Variants in COX5A observed in about 807,000 individuals in gnomAD.
COX5A encodes cytochrome c oxidase subunit 5A, mitochondrial.
COX5A carries 6 observed loss-of-function variants against 16.1 expected under a neutral mutation model. The observed-to-expected ratio is 0.37, with a 90% CI of 0.20 to 0.73. The LOEUF (loss-of-function observed/expected upper bound fraction) is 0.73, where lower values mean the gene tolerates loss of function less well. COX5A is among the 30% of genes least tolerant of loss of function. COX5A has a pLI of 0.50. For synonymous variants in COX5A, 73 were observed against 73.8 expected (o/e 0.99, Z 0.06); for missense variants, 159 against 194.9 (o/e 0.82, Z 1.10).
intron 2 of COX5A, among the ~76,000 whole-genome samples, chr15:74,927,831 A>T (rs933688981): frequency 7.9e-5 from 12 of 152,194 alleles, no homozygotes; most frequent in African/African-American, 2.7e-4. Flanking sequence ...ACTGGAAAAC[A>T]GCCTAAAAAC....
At chr15:74,920,954 A>G (rs2065317154) in intron 4 of COX5A, among the ~76,000 whole-genome samples, 1 of 152,092 alleles carries the variant, frequency 6.6e-6, no homozygotes, top group Non-Finnish European at 1.5e-5. Flanking sequence ...TTCAGCATGG[A>G]TGACAGAGCA....
chr15:74,924,560 CTT>C (rs2141270652), intron 3 of COX5A, among the ~76,000 whole-genome samples: 1 of 152,172 alleles, frequency 6.6e-6, no homozygotes, highest in East Asian at 1.9e-4. Flanking sequence ...AAGAGGGCAA[CTT>C]ATATATGTAC....
At chr15:74,924,316 A>G (rs544681782) in intron 3 of COX5A, among the ~76,000 whole-genome samples, 2 of 151,744 alleles carry the variant, frequency 1.3e-5, no homozygotes, top group Admixed American at 1.3e-4. Flanking sequence ...AGGCGGGTGG[A>G]TCACAAGGTC....
chr15:74,937,751 C>T, intron 1 of COX5A, 164 bp downstream of exon 1: 1 of 413,124 alleles, frequency 2.4e-6, no homozygotes. Context: ...GCTTTCAGGT[C>T]CTCCACTACT....
At chr15:74,936,622 C>CTTTTTTTTTT (rs1021836626) in intron 1 of COX5A, among the ~76,000 whole-genome samples, 3 of 112,426 alleles carry the variant, frequency 2.7e-5, no homozygotes, top group Admixed American at 9.9e-5. Flanking sequence ...AAAACATATT[C>CTTTTTTTTTT]TTTTTTTTTT....
chr15:74,932,035 C>A lies in COX5A; in HGVS notation c.101-2803G>T, dbSNP rs11072515. Among the ~76,000 whole-genome samples, 395 of 152,292 alleles carry A rather than the reference C, an allele frequency of 2.6e-3. 4 individuals carry two copies. Among genetic ancestry groups the A allele is most frequent in the Middle Eastern group, 6.8e-3 (2 of 294 alleles). On this transcript the variant is annotated intron_variant, in intron 1 of 4. Coordinates refer to ENST00000322347, the MANE Select transcript of COX5A (RefSeq NM_004255.4). The stretch of plus-strand genomic sequence containing the variant: ...TAGGCTCTTCGCTCTCTCTGTTTGA[C>A]CCTGGAAAATTAACTTAAGTTTATT...
chr15:74,920,715 T>A (rs554693897), intron 4 of COX5A, among the ~76,000 whole-genome samples: 2 of 152,188 alleles, frequency 1.3e-5, no homozygotes, highest in Non-Finnish European at 2.9e-5. Flanking sequence ...CGGTGACTCA[T>A]GCCTGTAACG....
intron 4 of COX5A, among the ~76,000 whole-genome samples, chr15:74,922,087 G>A (rs2065323783): frequency 6.6e-6 from 1 of 152,060 alleles, no homozygotes; most frequent in Non-Finnish European, 1.5e-5. Context: ...GTTAAAGCAA[G>A]CTTTAAAACG....
At chr15:74,923,144 T>C (rs1367138726) in intron 4 of COX5A, among the ~76,000 whole-genome samples, 1 of 151,412 alleles carries the variant, frequency 6.6e-6, no homozygotes, top group Admixed American at 6.6e-5. Flanking sequence ...AAAATAATGA[T>C]GCCGGGCGCG....
chr15:74,923,202 G>A (rs1308562399), intron 4 of COX5A, among the ~76,000 whole-genome samples: 1 of 152,014 alleles, frequency 6.6e-6, no homozygotes, highest in Admixed American at 6.6e-5. Context: ...AAGGCAGGTG[G>A]ATCATGAGGT....
At chr15:74,928,473 C>A (rs969749766) in intron 2 of COX5A, among the ~76,000 whole-genome samples, 1 of 152,038 alleles carries the variant, frequency 6.6e-6, no homozygotes, top group African/African-American at 2.4e-5. Context: ...CAAGCTCTGC[C>A]TCCCGGGTTC....
intron 4 of COX5A, among the ~76,000 whole-genome samples, chr15:74,921,558 G>A (rs186699486): frequency 3.9e-4 from 59 of 150,306 alleles, no homozygotes; most frequent in African/African-American, 1.3e-3. Flanking sequence ...GGCGAAACCC[G>A]GTCTCTACTA....
At chr15:74,923,521 C>A in intron 4 of COX5A, 127 bp downstream of exon 4, 1 of 522,966 alleles carries the variant, frequency 1.9e-6, no homozygotes. Context: ...TTCTCAAAAT[C>A]TCTTCATGCT....
intron 1 of COX5A, among the ~76,000 whole-genome samples, chr15:74,931,183 A>C (rs1197465716): frequency 6.6e-6 from 1 of 151,962 alleles, no homozygotes; most frequent in Non-Finnish European, 1.5e-5. Context: ...ATCTACACCT[A>C]ATGCAAAATA....
At chr15:74,927,242 C>A (rs2065348492) in intron 2 of COX5A, among the ~76,000 whole-genome samples, 1 of 151,968 alleles carries the variant, frequency 6.6e-6, no homozygotes, top group South Asian at 2.1e-4. Context: ...AGTGGTGCCA[C>A]CTCAGCTTAC....
At chr15:74,935,635 T>C (rs569100259) in intron 1 of COX5A, among the ~76,000 whole-genome samples, 1 of 148,846 alleles carries the variant, frequency 6.7e-6, no homozygotes, top group Non-Finnish European at 1.5e-5. Context: ...AAATAAAAAA[T>C]TTTTTTTTTG....
At chr15:74,929,258 C>G in intron 1 of COX5A, 26 bp from the exon 2 acceptor site, 1 of 1,433,430 alleles carries the variant, frequency 7.0e-7, no homozygotes, top group Non-Finnish European at 9.8e-7. Context: ...ACCATAACTT[C>G]AATGTACACA....
Position 74,923,636 on chromosome 15 carries a change from T to A in COX5A, c.*9+12A>T, listed in dbSNP as rs1392570260. On this transcript the variant is annotated intron_variant, in intron 4 of 4. Transcript: ENST00000322347. ...ATTGTTTTCCTGCCTTCTTCAGTGG[T>A]TTGTCGCTTACCCATGCGGTTTACA... 1 of 1,470,002 alleles carries A rather than the reference T, an allele frequency of 6.8e-7. No homozygotes were observed. Among genetic ancestry groups the A allele is most frequent in the Non-Finnish European group, 9.5e-7 (1 of 1,050,754 alleles). 91.1% of individuals were successfully genotyped at this position (1,470,002 alleles called of 1,614,324 possible).
chr15:74,933,854 A>G (rs1186566373), intron 1 of COX5A, among the ~76,000 whole-genome samples: 2 of 152,216 alleles, frequency 1.3e-5, no homozygotes, highest in Non-Finnish European at 2.9e-5. Context: ...ATTTGACTAC[A>G]TGAGTGCTAG....
Sources: allele counts gnomAD v4.1 joint callset (sites outside exome capture counted in the v4.1 genomes callset), GRCh38; gene constraint gnomAD v4.1.1; transcripts MANE v1.5; gene names NCBI Gene and HGNC (gene_info 2026-07-23, HGNC 2026-07-21).